The following RASSF8 variants were observed in gnomAD, a reference collection of about 807,000 sequenced individuals.
The protein encoded by RASSF8 is ras association domain-containing protein 8.
Under a neutral mutation model 48.5 loss-of-function variants are expected in RASSF8, and 22 were observed. The ratio of observed to expected loss-of-function variants is 0.45; its 90% CI spans 0.32 to 0.65. The LOEUF is 0.65. Ranked by LOEUF, RASSF8 falls within the 30% of genes least tolerant of loss-of-function variation. RASSF8 has a pLI of 0.03. For synonymous variants in RASSF8, 127 were observed against 171.5 expected (o/e 0.74, Z 2.03); for missense variants, 418 against 489.2 (o/e 0.85, Z 1.37).
At chr12:26,012,164 G>C (rs2137027077) in intron 2 of RASSF8, among the ~76,000 whole-genome samples, 1 of 152,228 alleles carries the variant, frequency 6.6e-6, no homozygotes, top group Middle Eastern at 3.4e-3. Flanking sequence ...GTGATCTTGG[G>C]CAAGTTTTAT....
At chr12:26,041,295 T>C (rs751447095) in intron 2 of RASSF8, among the ~76,000 whole-genome samples, 4 of 152,218 alleles carry the variant, frequency 2.6e-5, no homozygotes, top group Non-Finnish European at 5.9e-5. Context: ...GGATTTCTTA[T>C]GTTTTAATAT....
At chr12:25,988,715 C>G (rs1416457663) in intron 1 of RASSF8, among the ~76,000 whole-genome samples, 1 of 152,124 alleles carries the variant, frequency 6.6e-6, no homozygotes, top group Non-Finnish European at 1.5e-5. Flanking sequence ...CCCTCCTGGC[C>G]TTCCTCTGGT....
intron 2 of RASSF8, among the ~76,000 whole-genome samples, chr12:26,031,088 T>G (rs189537212): frequency 4.9e-4 from 75 of 152,278 alleles, no homozygotes; most frequent in African/African-American, 1.8e-3. Context: ...AAATGAAGAC[T>G]CTTTACAGTT....
chr12:25,967,896 T>A (rs1358489532), intron 1 of RASSF8, among the ~76,000 whole-genome samples: 1 of 152,216 alleles, frequency 6.6e-6, no homozygotes, highest in African/African-American at 2.4e-5. Context: ...GTTCAAGTCA[T>A]GCAAGGATGG....
At chr12:26,021,675 A>G (rs1229798466) in intron 2 of RASSF8, among the ~76,000 whole-genome samples, 1 of 152,138 alleles carries the variant, frequency 6.6e-6, no homozygotes, top group Admixed American at 6.5e-5. Context: ...CAGCTTCTCA[A>G]GCTGCCATTA....
At chr12:26,058,011 G>A (rs898139316) in intron 3 of RASSF8, among the ~76,000 whole-genome samples, 5 of 152,180 alleles carry the variant, frequency 3.3e-5, no homozygotes, top group African/African-American at 1.2e-4. Context: ...ATTTCAAGGG[G>A]AAAATGCCCG....
upstream of RASSF8, chr12:25,958,615 G>A (rs1031786806): frequency 6.8e-6 from 1 of 146,292 alleles, no homozygotes; most frequent in African/African-American, 2.5e-5. Context: ...GCCCGGCGAA[G>A]GGGCGGAGCC....
At chr12:26,016,520 T>G (rs2137044654) in intron 2 of RASSF8, among the ~76,000 whole-genome samples, 1 of 152,314 alleles carries the variant, frequency 6.6e-6, no homozygotes, top group African/African-American at 2.4e-5. Flanking sequence ...GGAGTGATCT[T>G]TTTGTTGATA....
chr12:26,078,045 C>T (rs1944086738), intron 5 of RASSF8, among the ~76,000 whole-genome samples: 1 of 152,126 alleles, frequency 6.6e-6, no homozygotes, highest in Admixed American at 6.5e-5. Flanking sequence ...CGGGAAGACT[C>T]TGATGAGGAG....
At chr12:26,006,779 A>G (rs1942401885) in intron 2 of RASSF8, among the ~76,000 whole-genome samples, 1 of 152,178 alleles carries the variant, frequency 6.6e-6, no homozygotes, top group African/African-American at 2.4e-5. Flanking sequence ...TGAGTGGGAC[A>G]GTGTTGGAAT....
rs550938909 is a variant in RASSF8 at position 26,053,761 on chromosome 12, G to A, written c.-108-1475G>A. ...TCATACAGGGGATAATGAAACCTAT[G>A]CTGTGTCATATGCAGAGAGCTAAAG... On this transcript the variant is annotated intron_variant, in intron 2 of 5. Coordinates refer to ENST00000689635, the MANE Select transcript of RASSF8 (RefSeq NM_001394098.1). 3.0e-4 allele frequency among the ~76,000 whole-genome samples: 46 copies of A among 152,276 alleles called. 1 individual carries two copies. The highest frequency in any genetic ancestry group is 2.9e-3 in the Admixed American group (44 of 15,298).
chr12:26,032,434 A>T (rs1363726133), intron 2 of RASSF8, among the ~76,000 whole-genome samples: 1 of 152,186 alleles, frequency 6.6e-6, no homozygotes, highest in East Asian at 1.9e-4. Flanking sequence ...ATGGAGAAGT[A>T]TTTCCCAAAG....
chr12:26,076,874 CCCA>C (rs1228125650), downstream of RASSF8, among the ~76,000 whole-genome samples: 4 of 152,212 alleles, frequency 2.6e-5, no homozygotes, highest in African/African-American at 9.6e-5. Context: ...AGTTTACACT[CCCA>C]CCAACAGTGT....
At chr12:26,046,673 A>T (rs75042461) in intron 2 of RASSF8, among the ~76,000 whole-genome samples, 1 of 3,894 alleles carries the variant, frequency 2.6e-4, no homozygotes, top group Non-Finnish European at 6.6e-4. Flanking sequence ...CCATCTCTTT[A>T]AAAAAAAATA....
At chr12:26,028,432 C>CT (rs1438998862) in intron 2 of RASSF8, among the ~76,000 whole-genome samples, 1 of 152,178 alleles carries the variant, frequency 6.6e-6, no homozygotes, top group Non-Finnish European at 1.5e-5. Flanking sequence ...TACTAGGCTG[C>CT]TAAGTACCTT....
intron 2 of RASSF8, among the ~76,000 whole-genome samples, chr12:26,006,954 G>C (rs963566870): frequency 3.9e-5 from 6 of 152,178 alleles, no homozygotes; most frequent in African/African-American, 1.4e-4. Context: ...TTACAATTCT[G>C]ATGTCTCAAA....
At chr12:26,029,535 G>A (rs1363955455) in intron 2 of RASSF8, among the ~76,000 whole-genome samples, 1 of 152,168 alleles carries the variant, frequency 6.6e-6, no homozygotes, top group Non-Finnish European at 1.5e-5. Flanking sequence ...TTCATTAGAA[G>A]TAAATCAGTG....
intron 2 of RASSF8, among the ~76,000 whole-genome samples, chr12:26,036,517 AT>A (rs1180223762): frequency 6.6e-6 from 1 of 152,116 alleles, no homozygotes; most frequent in African/African-American, 2.4e-5. Flanking sequence ...TTAATGTAAG[AT>A]GTCCTAATTT....
chr12:25,974,606 A>G (rs948826784), intron 1 of RASSF8, among the ~76,000 whole-genome samples: 4 of 152,206 alleles, frequency 2.6e-5, no homozygotes, highest in African/African-American at 9.7e-5. Context: ...TAGAATCTGA[A>G]TAAGTAGAAA....
Sources: gnomAD v4.1 joint callset for allele counts (sites outside exome capture counted in the v4.1 genomes callset) on GRCh38, gnomAD v4.1.1 for gene constraint, MANE v1.5 for transcripts, NCBI Gene and HGNC (gene_info 2026-07-23, HGNC 2026-07-21) for gene names.